The following FERRY3 variants were observed in gnomAD, a reference collection of about 807,000 sequenced individuals.
FERRY3 encodes the protein FERRY endosomal RAB5 effector complex subunit 3, also known as protein C12orf4.
At chr12:4,496,929 G>C in the FERRY3 span, among the ~76,000 whole-genome samples, 1 of 152,078 alleles carries the variant, frequency 6.6e-6, no homozygotes, top group Non-Finnish European at 1.5e-5. Context: ...CTTATTTTTC[G>C]CATTCAATAT....
the FERRY3 span, among the ~76,000 whole-genome samples, chr12:4,528,176 G>T: frequency 1.3e-5 from 2 of 152,000 alleles, no homozygotes; most frequent in Non-Finnish European, 2.9e-5. Flanking sequence ...TACCCAAAGA[G>T]GCAGAATGAG....
the FERRY3 span, among the ~76,000 whole-genome samples, chr12:4,516,531 T>A: frequency 2.6e-5 from 4 of 152,134 alleles, no homozygotes; most frequent in Non-Finnish European, 5.9e-5. Flanking sequence ...ATACATGGTA[T>A]AAAAGGGAAT....
the FERRY3 span, among the ~76,000 whole-genome samples, chr12:4,528,935 ACACAAAC>A: frequency 2.8e-5 from 4 of 143,832 alleles, no homozygotes; most frequent in African/African-American, 1.0e-4. Flanking sequence ...ACACACACAC[ACACAAAC>A]AAAAGTGATT....
the FERRY3 span, among the ~76,000 whole-genome samples, chr12:4,498,293 T>C: frequency 6.6e-6 from 1 of 152,170 alleles, no homozygotes; most frequent in African/African-American, 2.4e-5. Flanking sequence ...TTTGGATGAA[T>C]TTCTTGTGGT....
the FERRY3 span, chr12:4,500,272 C>A: frequency 6.2e-7 from 1 of 1,614,018 alleles, no homozygotes; most frequent in South Asian, 1.1e-5. Context: ...TTCACATGGT[C>A]ATCCACACAG....
chr12:4,499,800 G>A, the FERRY3 span, among the ~76,000 whole-genome samples: 5 of 152,080 alleles, frequency 3.3e-5, no homozygotes, highest in African/African-American at 1.2e-4. Flanking sequence ...GAAGAAAGAG[G>A]GGTAAGAAGA....
At chr12:4,506,332 T>C in the FERRY3 span, among the ~76,000 whole-genome samples, 3 of 152,136 alleles carry the variant, frequency 2.0e-5, no homozygotes, top group Admixed American at 6.5e-5. Context: ...TATCAAAATA[T>C]TATAGTTTTA....
chr12:4,517,144 CG>C, the FERRY3 span: 2 of 1,591,538 alleles, frequency 1.3e-6, no homozygotes, highest in Non-Finnish European at 1.7e-6. Flanking sequence ...CTCTTCAATT[CG>C]GGGGAAATGG....
the FERRY3 span, among the ~76,000 whole-genome samples, chr12:4,523,468 C>A: frequency 6.6e-6 from 1 of 152,086 alleles, no homozygotes; most frequent in South Asian, 2.1e-4. Context: ...GGGTATATAC[C>A]CAAAGGATTA....
At chr12:4,497,167 C>T in the FERRY3 span, among the ~76,000 whole-genome samples, 2 of 152,156 alleles carry the variant, frequency 1.3e-5, no homozygotes, top group African/African-American at 2.4e-5. Flanking sequence ...GTATAAATAA[C>T]TGTGGTCTAG....
At chr12:4,501,948 G>T in the FERRY3 span, among the ~76,000 whole-genome samples, 70 of 152,158 alleles carry the variant, frequency 4.6e-4, no homozygotes, top group Middle Eastern at 3.4e-3. Flanking sequence ...ACATCATCTT[G>T]TCTCACTCTT....
the FERRY3 span, among the ~76,000 whole-genome samples, chr12:4,521,065 AAAG>A: frequency 6.6e-6 from 1 of 152,142 alleles, no homozygotes; most frequent in Non-Finnish European, 1.5e-5. Context: ...AAAAAAAAGA[AAAG>A]AAGAAAAATA....
chr12:4,535,208 T>C, the FERRY3 span, among the ~76,000 whole-genome samples: 1 of 152,248 alleles, frequency 6.6e-6, no homozygotes, highest in African/African-American at 2.4e-5. This position sits in a 1 kb window ranked among gnomAD's most constrained non-coding sequence, Gnocchi z 4.0. Context: ...GACTTTAGAC[T>C]GTGGTTCACA....
chr12:4,491,058 A>C, the FERRY3 span: 1 of 856,024 alleles, frequency 1.2e-6, no homozygotes, highest in Non-Finnish European at 1.9e-6. Context: ...TTGCTAAACT[A>C]TCTAACTGAG....
the FERRY3 span, among the ~76,000 whole-genome samples, chr12:4,506,631 A>G: frequency 4.6e-5 from 7 of 152,306 alleles, no homozygotes; most frequent in Admixed American, 2.0e-4. Context: ...TGTTAAGTAA[A>G]CGAGAGAGAA....
the FERRY3 span, among the ~76,000 whole-genome samples, chr12:4,521,579 G>A: frequency 0.037 from 5,578 of 152,182 alleles, 331 homozygotes; most frequent in African/African-American, 0.12. Context: ...AGCAAAGAGC[G>A]AAAACAATTG....
At chr12:4,507,987 T>A in the FERRY3 span, among the ~76,000 whole-genome samples, 3 of 152,206 alleles carry the variant, frequency 2.0e-5, no homozygotes, top group African/African-American at 7.2e-5. Context: ...TTTTGTACAG[T>A]TTGAATTGTG....
chr12:4,508,805 T>C, the FERRY3 span: 2 of 152,100 alleles, frequency 1.3e-5, no homozygotes, highest in Admixed American at 6.6e-5. Flanking sequence ...AAGAGGATGT[T>C]TGTGATTTTA....
At chr12:4,526,165 A>T in the FERRY3 span, among the ~76,000 whole-genome samples, 1 of 152,226 alleles carries the variant, frequency 6.6e-6, no homozygotes, top group African/African-American at 2.4e-5. Flanking sequence ...TTTTTCCTAC[A>T]GGAAAAATTA....
Sources: gnomAD v4.1 joint callset for allele counts (sites outside exome capture counted in the v4.1 genomes callset) on GRCh38, gnomAD v4.1.1 for gene constraint, Gnocchi (gnomAD v3.1) non-coding constraint, MANE v1.5 for transcripts, NCBI Gene and HGNC (gene_info 2026-07-23, HGNC 2026-07-21) for gene names.